Variants in AOAH observed in about 807,000 individuals in gnomAD.
AOAH encodes the protein acyloxyacyl hydrolase, also known as acyloxyacyl hydrolase (neutrophil).
In AOAH, 64 loss-of-function variants were observed where a neutral mutation model predicts 92.2. The observed-to-expected ratio is 0.69, with a 90% CI of 0.57 to 0.86. The LOEUF is 0.86. AOAH is among the 40% of genes least tolerant of loss of function. The pLI, the probability that AOAH is intolerant of heterozygous loss-of-function variation, is 0.00. For synonymous variants in AOAH, 263 were observed against 254.5 expected (o/e 1.03, Z -0.32); for missense variants, 656 against 694.6 (o/e 0.94, Z 0.62).
intron 3 of AOAH, among the ~76,000 whole-genome samples, chr7:36,672,048 T>C (rs1350862423): frequency 3.3e-5 from 5 of 152,208 alleles, no homozygotes; most frequent in Admixed American, 3.3e-4. Flanking sequence ...TTTGTAGGCC[T>C]GGAGTCCTGT....
chr7:36,657,070 T>C (rs950454860), intron 4 of AOAH, among the ~76,000 whole-genome samples: 1 of 152,198 alleles, frequency 6.6e-6, no homozygotes, highest in African/African-American at 2.4e-5. Context: ...TATAAAATTG[T>C]ATATGCATTA....
rs116036805 is a variant in AOAH, at chr7:36,513,087, G to A, written c.*165C>T. On this transcript the variant is annotated 3_prime_UTR_variant, in exon 21 of 21. Coordinates refer to ENST00000617537, the MANE Select transcript of AOAH (RefSeq NM_001637.4). ...TCCCGGGAGCACACAGCATTGCACA[G>A]TCGTCCAGATATGCTCTTCATTGAG... The A allele has an allele frequency of 2.3e-5, 36 of 1,574,860 alleles. 1 individual carries two copies. The African/African-American group carries it at 3.9e-4, about 17-fold the overall frequency.
intron 6 of AOAH, among the ~76,000 whole-genome samples, chr7:36,626,272 C>T (rs527260643): frequency 4.6e-5 from 7 of 152,136 alleles, no homozygotes; most frequent in Admixed American, 2.0e-4. Flanking sequence ...GGAAAGGTCC[C>T]GTTTGGGCAT....
chr7:36,712,925 A>G (rs898272479), intron 1 of AOAH, among the ~76,000 whole-genome samples: 4 of 152,208 alleles, frequency 2.6e-5, no homozygotes, highest in Admixed American at 2.6e-4. Context: ...TGCATCAACT[A>G]ATGAGCAAAA....
At chr7:36,628,090 C>T (rs1463732310) in intron 6 of AOAH, among the ~76,000 whole-genome samples, 5 of 151,972 alleles carry the variant, frequency 3.3e-5, no homozygotes, top group Admixed American at 6.6e-5. Context: ...TGCCTATAGA[C>T]GTGGCTCAGC....
chr7:36,613,314 C>A (rs970459200), intron 11 of AOAH, among the ~76,000 whole-genome samples: 11 of 152,062 alleles, frequency 7.2e-5, no homozygotes, highest in African/African-American at 2.7e-4. Context: ...TAGTATCTTC[C>A]CTCGTTGTTG....
chr7:36,569,566 CATAT>C (rs1318194407), intron 13 of AOAH, among the ~76,000 whole-genome samples: 1 of 137,098 alleles, frequency 7.3e-6, no homozygotes, highest in African/African-American at 2.7e-5. Context: ...ACCAGATTTA[CATAT>C]CTATCTATCT....
chr7:36,690,217 CAAAA>C (rs11427708), intron 1 of AOAH: 2 of 441,726 alleles, frequency 4.5e-6, no homozygotes, highest in South Asian at 3.2e-5. Context: ...TAAAAAGAAG[CAAAA>C]AAAATTATCT....
intron 20 of AOAH, among the ~76,000 whole-genome samples, chr7:36,515,307 ACC>A: frequency 9.2e-6 from 1 of 108,988 alleles, no homozygotes; most frequent in Non-Finnish European, 1.9e-5. Context: ...CACACACTAT[ACC>A]CCACACCCCT....
chr7:36,583,134 G>C lies in AOAH; in HGVS notation c.939-6478C>G, dbSNP rs1789054222. On this transcript the variant is annotated intron_variant, in intron 12 of 20. Coordinates refer to ENST00000617537, the MANE Select transcript of AOAH (RefSeq NM_001637.4). ...TCTGTCCAGAGGCACAGCTTGCTTGGGTATAAATTATGAGTCTCCATTAAG... is the reference window on the plus strand; with the variant it reads ...TCTGTCCAGAGGCACAGCTTGCTTGCGTATAAATTATGAGTCTCCATTAAG... Among the ~76,000 whole-genome samples, 3 of 152,032 alleles carry C rather than the reference G, an allele frequency of 2.0e-5. No individual in the cohort carries two copies. In the South Asian group the frequency reaches 6.2e-4, roughly 32 times the overall value.
intron 15 of AOAH, among the ~76,000 whole-genome samples, chr7:36,547,785 AC>A (rs1785905936): frequency 6.6e-6 from 1 of 152,130 alleles, no homozygotes; most frequent in Non-Finnish European, 1.5e-5. Context: ...TAAGGAATTC[AC>A]CATTTTGAAG....
chr7:36,594,898 G>A (rs921248881), intron 11 of AOAH, among the ~76,000 whole-genome samples: 1 of 152,088 alleles, frequency 6.6e-6, no homozygotes, highest in South Asian at 2.1e-4. Flanking sequence ...CTTCTTGGGG[G>A]TCTCAGACAT....
intron 11 of AOAH, among the ~76,000 whole-genome samples, chr7:36,602,763 C>G (rs140514891): frequency 6.6e-6 from 1 of 152,202 alleles, no homozygotes; most frequent in African/African-American, 2.4e-5. Context: ...GGGGTAATAA[C>G]TGGAATTTGA....
chr7:36,670,316 G>A (rs777320211), intron 3 of AOAH, among the ~76,000 whole-genome samples: 1 of 152,156 alleles, frequency 6.6e-6, no homozygotes, highest in Non-Finnish European at 1.5e-5. Context: ...TGAAGAACAT[G>A]CCCAATGAGG....
At chr7:36,618,499 C>T (rs1016276412) in intron 9 of AOAH, among the ~76,000 whole-genome samples, 154 bp from the exon 10 acceptor site, 8 of 152,300 alleles carry the variant, frequency 5.3e-5, no homozygotes, top group Middle Eastern at 3.4e-3. Flanking sequence ...ATAGCAACGC[C>T]CTGTGCGAGC....
intron 1 of AOAH, among the ~76,000 whole-genome samples, chr7:36,716,877 G>T (rs929509715): frequency 6.6e-6 from 1 of 151,934 alleles, no homozygotes; most frequent in African/African-American, 2.4e-5. Flanking sequence ...AATGTTAAAT[G>T]ATGAGTTAAT....
intron 1 of AOAH, among the ~76,000 whole-genome samples, chr7:36,713,822 A>G (rs1246766018): frequency 6.6e-6 from 1 of 152,230 alleles, no homozygotes; most frequent in Non-Finnish European, 1.5e-5. Context: ...GACACATTCA[A>G]AGCAGCGTGT....
chr7:36,628,580 G>A (rs1007831539), intron 6 of AOAH, among the ~76,000 whole-genome samples: 1 of 152,172 alleles, frequency 6.6e-6, no homozygotes, highest in Non-Finnish European at 1.5e-5. Context: ...GGCGGAGCAG[G>A]CACTAGGGAG....
At chr7:36,659,850 C>T (rs764722754) in intron 3 of AOAH, among the ~76,000 whole-genome samples, 24 of 150,882 alleles carry the variant, frequency 1.6e-4, no homozygotes, top group African/African-American at 4.4e-4. Flanking sequence ...TGCACATATC[C>T]GTCTAGATGG....
Sources: allele counts gnomAD v4.1 joint callset (sites outside exome capture counted in the v4.1 genomes callset), GRCh38; gene constraint gnomAD v4.1.1; transcripts MANE v1.5; gene names NCBI Gene and HGNC (gene_info 2026-07-23, HGNC 2026-07-21).